TRIM42: variants seen among roughly 807,000 people sequenced by gnomAD.
TRIM42 encodes tripartite motif-containing protein 42.
In TRIM42, 59 loss-of-function variants were observed where a neutral mutation model predicts 64.9. That is an observed-to-expected ratio of 0.91 (90% CI 0.74 to 1.13). The LOEUF is 1.13. Ranked by LOEUF, TRIM42 falls within the 50% of genes most tolerant of loss-of-function variation. TRIM42 has a pLI of 0.00. For synonymous variants in TRIM42, 354 were observed against 346.3 expected, an observed-to-expected ratio of 1.02 and a Z score of -0.25; for missense variants, 878 against 929.5, an observed-to-expected ratio of 0.94 and a Z score of 0.72.
Position 140,682,350 on chromosome 3 carries a change from T to C in TRIM42, c.342-112T>C. The C allele has an allele frequency of 3.8e-6, 4 of 1,064,760 alleles. No individual in the cohort carries two copies. The South Asian group carries it at 6.3e-5, about 17-fold the overall frequency. 66.0% of individuals were successfully genotyped at this position (1,064,760 alleles called of 1,614,324 possible). Reference sequence around the variant, plus strand: ...CACCTTAGCGCCCAGCTCAGGCTCCTCACCACCACACTAGACTGCCCCTCA... The same window carrying C: ...CACCTTAGCGCCCAGCTCAGGCTCCCCACCACCACACTAGACTGCCCCTCA... On this transcript the variant is annotated intron_variant, in intron 1 of 4. Transcript: ENST00000286349.
intron 4 of TRIM42, among the ~76,000 whole-genome samples, chr3:140,692,753 C>T (rs141967005): frequency 3.9e-5 from 6 of 152,304 alleles, no homozygotes; most frequent in African/African-American, 7.2e-5. Context: ...GCCCCACATC[C>T]GCATGTCTCT....
intron 2 of TRIM42, among the ~76,000 whole-genome samples, chr3:140,685,307 A>T (rs1027493351): frequency 6.6e-6 from 1 of 152,194 alleles, no homozygotes; most frequent in Admixed American, 6.5e-5. Context: ...CCCCTGTCCC[A>T]TCCACATAGA....
At chr3:140,697,466 A>G (rs1172029837) in intron 4 of TRIM42, among the ~76,000 whole-genome samples, 2 of 152,192 alleles carry the variant, frequency 1.3e-5, no homozygotes, top group African/African-American at 4.8e-5. Flanking sequence ...TTAAATTTAC[A>G]GTTTCACCTT....
At chr3:140,681,867 T>TAAAAAA (rs11369639) in intron 1 of TRIM42, among the ~76,000 whole-genome samples, 1 of 144,518 alleles carries the variant, frequency 6.9e-6, no homozygotes. Flanking sequence ...CAAAAGTTGT[T>TAAAAAA]AAAAAAAAAA....
chr3:140,701,132 A>C lies in TRIM42; in HGVS notation c.*158A>C. The C allele has an allele frequency of 1.7e-6, 1 of 577,978 alleles. No individual in the cohort carries two copies. 35.8% of individuals were successfully genotyped at this position (577,978 alleles called of 1,614,324 possible). A position where few individuals can be genotyped will look rare whatever the true frequency, so the allele number is the denominator to read the frequency against. ...TTCCAACAGGAATCTTGTAAGAGCT[A>C]ATAAAAGGAAATACCTGACATGGCT... On this transcript the variant is annotated 3_prime_UTR_variant, in exon 5 of 5. Coordinates refer to ENST00000286349, the MANE Select transcript of TRIM42 (RefSeq NM_152616.5).
chr3:140,683,297 C>T, intron 2 of TRIM42, 138 bp downstream of exon 2: 1 of 900,894 alleles, frequency 1.1e-6, no homozygotes, highest in East Asian at 2.7e-5. Flanking sequence ...AAACACTGTG[C>T]TACCCTGCAA....
intron 2 of TRIM42, among the ~76,000 whole-genome samples, chr3:140,685,257 G>C (rs771497227): frequency 6.6e-6 from 1 of 152,208 alleles, no homozygotes; most frequent in East Asian, 1.9e-4. Flanking sequence ...GGGGGACCTA[G>C]GGAGAAGATC....
rs115885177 is a variant in TRIM42 at position 140,686,947 on chromosome 3, G to A, written c.1040-775G>A. 1.7e-3 allele frequency among the ~76,000 whole-genome samples: 263 copies of A among 152,298 alleles called. 1 individual carries two copies. The highest frequency in any genetic ancestry group is 6.0e-3 in the African/African-American group (251 of 41,560). ...TGGATTTATTCATACCTTGAGCACA[G>A]ATGCCCTCTCATAATCATATCCATA... On this transcript the variant is annotated intron_variant, in intron 2 of 4. Transcript: ENST00000286349.
At chr3:140,684,893 C>T (rs529446196) in intron 2 of TRIM42, among the ~76,000 whole-genome samples, 3 of 152,196 alleles carry the variant, frequency 2.0e-5, no homozygotes, top group South Asian at 4.2e-4. Context: ...TAGAGAACCT[C>T]GTCCTTAATA....
intron 2 of TRIM42, among the ~76,000 whole-genome samples, chr3:140,686,309 C>A (rs1489009212): frequency 6.6e-6 from 1 of 152,118 alleles, no homozygotes; most frequent in Non-Finnish European, 1.5e-5. Context: ...GAAATCGGAC[C>A]CTGGTAGTTT....
Position 140,701,058 on chromosome 3 carries a change from C to T in TRIM42, c.*84C>T. ...ATATATGTATGTATATTTTTCTCACCACATTCTTCAAGGAGGTTGTAGACA... is the reference window on the plus strand; with the variant it reads ...ATATATGTATGTATATTTTTCTCACTACATTCTTCAAGGAGGTTGTAGACA... On this transcript the variant is annotated 3_prime_UTR_variant, in exon 5 of 5. Coordinates refer to ENST00000286349, the MANE Select transcript of TRIM42 (RefSeq NM_152616.5). 1 of 1,205,532 alleles carries T rather than the reference C, an allele frequency of 8.3e-7. No individual in the cohort carries two copies. The highest frequency in any genetic ancestry group is 1.2e-6 in the Non-Finnish European group (1 of 862,904). 74.7% of individuals were successfully genotyped at this position (1,205,532 alleles called of 1,614,324 possible).
intron 4 of TRIM42, among the ~76,000 whole-genome samples, chr3:140,696,473 G>A (rs542832389): frequency 1.3e-5 from 2 of 152,334 alleles, no homozygotes; most frequent in East Asian, 1.9e-4. Context: ...ATACTGCAGT[G>A]AACAGCCTTA....
Position 140,687,892 on chromosome 3 carries a change from T to C in TRIM42, c.1210T>C (p.Ser404Pro). The C allele has an allele frequency of 6.2e-7, 1 of 1,614,112 alleles. No homozygotes were observed. Among genetic ancestry groups the C allele is most frequent in the Non-Finnish European group, 8.5e-7 (1 of 1,180,032 alleles). ...IMEQIENLEVSRQKEIEKYVY... is the reference protein window; with the variant it reads ...IMEQIENLEVPRQKEIEKYVY... ...GGAGCAGATAGAGAATCTAGAAGTGTCCAGGCAGAAGGAAATTGAAAAATA... is the reference window on the plus strand; with the variant it reads ...GGAGCAGATAGAGAATCTAGAAGTGCCCAGGCAGAAGGAAATTGAAAAATA... The change falls in exon 3 of 5, where the codon TCC (serine) becomes CCC (proline). Residue 404 changes from serine to proline, a missense_variant. Ser to Pro is a moderately conservative substitution (Grantham distance 74). Transcript: ENST00000286349.
chr3:140,698,429 C>T (rs549789737), intron 4 of TRIM42, among the ~76,000 whole-genome samples: 2 of 152,088 alleles, frequency 1.3e-5, no homozygotes, highest in Non-Finnish European at 2.9e-5. Context: ...AGAGATCTAA[C>T]GTACAGCATG....
chr3:140,698,453 A>G (rs1988912188), intron 4 of TRIM42, among the ~76,000 whole-genome samples: 1 of 152,188 alleles, frequency 6.6e-6, no homozygotes, highest in African/African-American at 2.4e-5. Context: ...GCTACAGTTA[A>G]TAATATTGTA....
chr3:140,687,737 A>G lies in TRIM42; in HGVS notation c.1055A>G (p.Asp352Gly). The part of the protein sequence containing the change: ...AKFKAVRYEI[D>G]NDLMEFNILK... ...ATTTTTGCAGTCCGATATGAAATTG[A>G]TAATGACCTAATGGAATTCAACATC... Residue 352 changes from aspartate (D) to glycine (G), a missense_variant, in exon 3 of 5, where the codon GAT becomes GGT. Physicochemically the swap from Asp to Gly is moderately conservative, Grantham distance 94. Coordinates refer to ENST00000286349, the MANE Select transcript of TRIM42 (RefSeq NM_152616.5). 1 of 1,607,084 alleles carries G rather than the reference A, an allele frequency of 6.2e-7. No individual in the cohort carries two copies. Among genetic ancestry groups the G allele is most frequent in the African/African-American group, 1.3e-5 (1 of 74,436 alleles).
chr3:140,691,310 A>G (rs1182040804), intron 4 of TRIM42, 118 bp downstream of exon 4: 3 of 871,956 alleles, frequency 3.4e-6, no homozygotes, highest in Non-Finnish European at 5.4e-6. Context: ...CTCTAAGCAC[A>G]GAACATTTGT....
chr3:140,689,680 C>T lies in TRIM42; in HGVS notation c.1860+1138C>T, dbSNP rs58717663. Among the ~76,000 whole-genome samples the T allele has an allele frequency of 9.0e-3, 1,361 of 151,948 alleles. 20 individuals are homozygous for T. Among genetic ancestry groups the T allele is most frequent in the African/African-American group, 0.031 (1,292 of 41,418 alleles). ...TCTATAATTAACACAAAGAACAACC[C>T]ATACTTTGCAAGTTAGAACACTCCA... On this transcript the variant is annotated intron_variant, in intron 3 of 4. Coordinates refer to ENST00000286349, the MANE Select transcript of TRIM42 (RefSeq NM_152616.5).
At chr3:140,697,707 G>A (rs995459993) in intron 4 of TRIM42, among the ~76,000 whole-genome samples, 2 of 151,980 alleles carry the variant, frequency 1.3e-5, no homozygotes, top group African/African-American at 2.4e-5. Flanking sequence ...GTTTTGAGAC[G>A]GAGTCTCGCT....
Sources: allele counts gnomAD v4.1 joint callset (sites outside exome capture counted in the v4.1 genomes callset), GRCh38; gene constraint gnomAD v4.1.1; transcripts MANE v1.5; gene names NCBI Gene and HGNC (gene_info 2026-07-23, HGNC 2026-07-21).